BPTF: variants seen among roughly 807,000 people sequenced by gnomAD.
The protein encoded by BPTF is nucleosome-remodeling factor subunit BPTF.
BPTF carries 18 observed loss-of-function variants against 292.5 expected under a neutral mutation model. That is an observed-to-expected ratio of 0.06 (90% confidence interval 0.04 to 0.09). BPTF has a LOEUF of 0.09. BPTF is among the 10% of genes least tolerant of loss of function. The probability of loss-of-function intolerance (pLI) is 1.00; values close to 1 mark genes in which losing one functional copy is unlikely to be tolerated. For synonymous variants in BPTF, 1,225 were observed against 1,251.9 expected, an observed-to-expected ratio of 0.98 and a Z score of 0.45; for missense variants, 2,726 against 3,498.7, an observed-to-expected ratio of 0.78 and a Z score of 5.57.
intron 1 of BPTF, among the ~76,000 whole-genome samples, chr17:67,826,730 C>T (rs896118192): frequency 6.6e-6 from 1 of 152,096 alleles, no homozygotes; most frequent in Non-Finnish European, 1.5e-5. Flanking sequence ...AAAGAAGCCT[C>T]TTGTTTTGCA....
chr17:67,900,050 GAAC>G (rs1310061047), intron 7 of BPTF, among the ~76,000 whole-genome samples: 1 of 152,008 alleles, frequency 6.6e-6, no homozygotes, highest in South Asian at 2.1e-4. Flanking sequence ...AAGATTCCAG[GAAC>G]AACAACAACA....
intron 1 of BPTF, among the ~76,000 whole-genome samples, chr17:67,849,035 A>G (rs1465909473): frequency 1.3e-5 from 2 of 152,058 alleles, no homozygotes; most frequent in African/African-American, 2.4e-5. Context: ...CTTTGCATCA[A>G]TCCTGTTGTA....
At chr17:67,841,166 G>C (rs927481187) in intron 1 of BPTF, among the ~76,000 whole-genome samples, 11 of 151,940 alleles carry the variant, frequency 7.2e-5, no homozygotes, top group African/African-American at 2.7e-4. Context: ...CCAGCACTTC[G>C]GGAGGCCAAG....
chr17:67,839,049 A>G (rs1264819557), intron 1 of BPTF, among the ~76,000 whole-genome samples: 1 of 152,168 alleles, frequency 6.6e-6, no homozygotes, highest in Non-Finnish European at 1.5e-5. Flanking sequence ...TCATATGTAC[A>G]CATCTGATTT....
chr17:67,849,399 T>G (rs1415515585), intron 1 of BPTF, among the ~76,000 whole-genome samples: 3 of 152,228 alleles, frequency 2.0e-5, no homozygotes, highest in Non-Finnish European at 4.4e-5. Flanking sequence ...TGAATTTCTC[T>G]CAAACATGAT....
chr17:67,970,502 G>A (rs190673971), intron 26 of BPTF, among the ~76,000 whole-genome samples: 12 of 152,222 alleles, frequency 7.9e-5, no homozygotes, highest in Admixed American at 4.6e-4. Flanking sequence ...TCTCTAAAAC[G>A]TATTGTTGGG....
intron 1 of BPTF, among the ~76,000 whole-genome samples, chr17:67,836,414 T>C (rs1256394303): frequency 6.6e-6 from 1 of 152,224 alleles, no homozygotes; most frequent in Non-Finnish European, 1.5e-5. Flanking sequence ...GTGTATAGTA[T>C]ATAGTATATT....
intron 14 of BPTF, among the ~76,000 whole-genome samples, chr17:67,923,680 A>G (rs904435698): frequency 6.6e-5 from 10 of 150,474 alleles, no homozygotes; most frequent in African/African-American, 9.8e-5. Context: ...GGGTTTCACC[A>G]TGTTGGCCAG....
At chr17:67,843,533 G>T (rs932781165) in intron 1 of BPTF, among the ~76,000 whole-genome samples, 21 of 147,740 alleles carry the variant, frequency 1.4e-4, no homozygotes, top group African/African-American at 5.0e-4. Flanking sequence ...TATATATCTA[G>T]ATATATATAT....
chr17:67,963,822 G>C (rs561132484), intron 24 of BPTF, among the ~76,000 whole-genome samples: 1 of 152,270 alleles, frequency 6.6e-6, no homozygotes, highest in African/African-American at 2.4e-5. Context: ...TTGAAATGGT[G>C]CTTTATTGTA....
intron 24 of BPTF, chr17:67,963,593 A>G (rs2067717762): frequency 7.9e-7 from 1 of 1,258,496 alleles, no homozygotes; most frequent in Admixed American, 3.9e-5. Flanking sequence ...AATAAAAAGC[A>G]GATTTTTTTC....
In BPTF at chr17:67,922,929, A is replaced by G; in HGVS notation, c.5647A>G (p.Ile1883Val). The change falls in exon 14 of 28, where the codon ATT becomes GTT. Residue 1883 changes from isoleucine (I) to valine (V), a missense_variant. This residue lies in a region of BPTF where 198 missense variants were observed against 277.1 expected (regional missense o/e 0.71). Transcript: ENST00000306378. ...GCCCAAGCAAACTGGCCCTGTTATT[A>G]TTGAAACCTGGGTAGCAGAAGAAGA... Reference protein sequence around the residue: ...ETPKQTGPVIIETWVAEEELE... With the variant: ...ETPKQTGPVIVETWVAEEELE... The G allele has an allele frequency of 6.2e-7, 1 of 1,614,158 alleles. No homozygotes were observed. Among genetic ancestry groups the G allele is most frequent in the Non-Finnish European group, 8.5e-7 (1 of 1,180,038 alleles).
intron 11 of BPTF, among the ~76,000 whole-genome samples, chr17:67,916,469 A>T (rs2062995659): frequency 6.6e-6 from 1 of 152,136 alleles, no homozygotes; most frequent in Non-Finnish European, 1.5e-5. Context: ...GGGCGCCTGT[A>T]ATCCCAGCTA....
At chr17:67,935,651 T>G (rs779083171) in intron 18 of BPTF, among the ~76,000 whole-genome samples, 2 of 151,756 alleles carry the variant, frequency 1.3e-5, no homozygotes, top group South Asian at 2.1e-4. Context: ...AGGTCAGGAG[T>G]TCAAGACCCG....
chr17:67,900,243 T>G (rs1169956264), intron 7 of BPTF, among the ~76,000 whole-genome samples: 1 of 152,018 alleles, frequency 6.6e-6, no homozygotes, highest in Non-Finnish European at 1.5e-5. Flanking sequence ...TAGCTGGGAT[T>G]ACAGACAAGT....
intron 2 of BPTF, 52 bp from the exon 3 acceptor site, chr17:67,866,412 A>G (rs1346845922): frequency 1.9e-5 from 26 of 1,362,986 alleles, no homozygotes; most frequent in Non-Finnish European, 2.2e-5. Flanking sequence ...GAACTGTCAG[A>G]TAAGTGGCAT....
At chr17:67,846,808 C>T (rs2058060959) in intron 1 of BPTF, among the ~76,000 whole-genome samples, 2 of 152,182 alleles carry the variant, frequency 1.3e-5, no homozygotes, top group South Asian at 2.1e-4. Context: ...TCAAGCAATT[C>T]TAGTGCCTCA....
rs562455795 is a variant in BPTF at position 67,835,822 on chromosome 17, T to C, written c.613+9485T>C. Among the ~76,000 whole-genome samples the C allele has an allele frequency of 3.7e-4, 56 of 152,214 alleles. 1 individual carries two copies. In the East Asian group the frequency reaches 9.3e-3, roughly 25 times the overall value. On this transcript the variant is annotated intron_variant, in intron 1 of 27. Transcript: ENST00000306378. The stretch of plus-strand genomic sequence containing the variant: ...CTGGGACTACAGGCACCTGCCACCA[T>C]GCCCGGCTAATTTTTTGTAATTTTA...
At chr17:67,928,218 T>C in intron 15 of BPTF, 137 bp from the exon 16 acceptor site, 1 of 988,946 alleles carries the variant, frequency 1.0e-6, no homozygotes, top group African/African-American at 1.6e-5. Flanking sequence ...ACATATATTC[T>C]TTTTGGAAGT....
Sources: allele counts gnomAD v4.1 joint callset (sites outside exome capture counted in the v4.1 genomes callset), GRCh38; gene constraint gnomAD v4.1.1; regional missense constraint gnomAD v4.1.1; transcripts MANE v1.5; gene names NCBI Gene and HGNC (gene_info 2026-07-23, HGNC 2026-07-21).